Variants in LRP1B observed in about 807,000 individuals in gnomAD.
LRP1B encodes the protein LDL receptor related protein 1B, also known as low-density lipoprotein receptor-related protein 1B.
In LRP1B, 217 loss-of-function variants were observed where a neutral mutation model predicts 556.6. The ratio of observed to expected loss-of-function variants is 0.39; its 90% CI spans 0.35 to 0.44. The LOEUF (loss-of-function observed/expected upper bound fraction) is 0.44, where lower values mean the gene tolerates loss of function less well. LRP1B is among the 20% of genes least tolerant of loss of function. The pLI is 1.00. For synonymous variants in LRP1B, 2,047 were observed against 1,865.8 expected, an observed-to-expected ratio of 1.10 and a Z score of -2.50; for missense variants, 5,053 against 5,620.8, an observed-to-expected ratio of 0.90 and a Z score of 3.23.
At chr2:140,386,227 A>C (rs550733641) in intron 66 of LRP1B, among the ~76,000 whole-genome samples, 5 of 152,306 alleles carry the variant, frequency 3.3e-5, no homozygotes, top group African/African-American at 9.6e-5. Context: ...CGAGCTAATC[A>C]GTAAGAAACC....
intron 1 of LRP1B, among the ~76,000 whole-genome samples, chr2:142,091,833 C>T (rs1292310294): frequency 6.6e-6 from 1 of 152,062 alleles, no homozygotes; most frequent in Non-Finnish European, 1.5e-5. Flanking sequence ...AGCATGTGAC[C>T]CAATTTTGAT....
chr2:141,695,502 C>A (rs1463514638), intron 2 of LRP1B, among the ~76,000 whole-genome samples: 3 of 151,762 alleles, frequency 2.0e-5, no homozygotes, highest in South Asian at 2.1e-4. Flanking sequence ...TATTGTTATC[C>A]CCACTTTGAA....
chr2:141,487,483 A>G (rs988282574), intron 2 of LRP1B, among the ~76,000 whole-genome samples: 80 of 152,162 alleles, frequency 5.3e-4, no homozygotes, highest in African/African-American at 1.9e-3. Context: ...TACAAATGCT[A>G]CTTTCATCTC....
intron 32 of LRP1B, among the ~76,000 whole-genome samples, chr2:140,803,736 T>C (rs1690607162): frequency 6.6e-6 from 1 of 152,088 alleles, no homozygotes; most frequent in African/African-American, 2.4e-5. Context: ...TTTCTGTAGA[T>C]CATAGTTTAC....
rs1684457872 is a variant in LRP1B at position 140,314,979 on chromosome 2, CTACAGTGGTTGA to C, written c.12749_12760del (p.Val4250_Ser4254delinsGly). On this transcript the variant is annotated inframe_deletion, in exon 83 of 91. Coordinates refer to ENST00000389484, the MANE Select transcript of LRP1B (RefSeq NM_018557.3). ...AGTTCCTCCATTCTGGCAGTAGTTG[CTACAGTGGTTGA>C]CTTCACATCTTTCTCCTGAATAACT... 6.2e-7 allele frequency: 1 copy of C among 1,610,992 alleles called. No homozygotes were observed. Among genetic ancestry groups the C allele is most frequent in the Non-Finnish European group, 8.5e-7 (1 of 1,178,318 alleles).
intron 6 of LRP1B, among the ~76,000 whole-genome samples, chr2:141,219,349 C>T (rs1480746116): frequency 2.0e-5 from 3 of 152,200 alleles, no homozygotes; most frequent in East Asian, 1.9e-4. Flanking sequence ...CAAGATTGCT[C>T]CTTTAGCTGG....
rs116177403 is a variant in LRP1B at position 140,286,522 on chromosome 2, C to T, written c.12967+11286G>A. On this transcript the variant is annotated intron_variant, in intron 84 of 90. Coordinates refer to ENST00000389484, the MANE Select transcript of LRP1B (RefSeq NM_018557.3). ...CCATATGAATAAAAATGTGACTTGC[C>T]AAATTCCCAGAAATATGGCATGCCA... is the stretch of plus-strand genomic sequence containing the variant. 4.4e-3 allele frequency among the ~76,000 whole-genome samples: 675 copies of T among 151,902 alleles called. 4 individuals carry two copies. The highest frequency in any genetic ancestry group is 0.015 in the African/African-American group (641 of 41,490).
chr2:140,827,982 G>GAA (rs57219641), intron 31 of LRP1B, among the ~76,000 whole-genome samples: 3,548 of 151,780 alleles, frequency 0.023, 74 homozygotes, highest in South Asian at 0.035. Context: ...ATTACTGAAA[G>GAA]AAAAAAGCTG....
At chr2:141,072,496 C>T (rs745489942) in intron 7 of LRP1B, among the ~76,000 whole-genome samples, 2 of 151,978 alleles carry the variant, frequency 1.3e-5, no homozygotes, top group African/African-American at 2.4e-5. Context: ...CACAGATTCC[C>T]ATGATGATAA....
At chr2:141,191,491 T>C (rs1233202317) in intron 6 of LRP1B, among the ~76,000 whole-genome samples, 3 of 151,916 alleles carry the variant, frequency 2.0e-5, no homozygotes, top group Admixed American at 1.3e-4. Flanking sequence ...TAAGGGTATA[T>C]TGTCAAAACA....
intron 7 of LRP1B, among the ~76,000 whole-genome samples, chr2:141,131,889 G>A (rs1701368022): frequency 6.6e-6 from 1 of 151,752 alleles, no homozygotes; most frequent in Non-Finnish European, 1.5e-5. Context: ...TTGGTTACAT[G>A]AGTAAGTTCT....
At chr2:141,242,382 TTCTC>T (rs967746784) in intron 5 of LRP1B, among the ~76,000 whole-genome samples, 1 of 151,992 alleles carries the variant, frequency 6.6e-6, no homozygotes, top group African/African-American at 2.4e-5. Context: ...GTTTATTTTT[TTCTC>T]TCTCTCTCTT....
chr2:141,205,533 TC>T (rs1319033646), intron 6 of LRP1B, among the ~76,000 whole-genome samples: 9 of 152,332 alleles, frequency 5.9e-5, no homozygotes, highest in African/African-American at 2.2e-4. Context: ...AAAATTTTTT[TC>T]ACAAATTATG....
At chr2:140,940,962 C>T (rs538941635) in intron 20 of LRP1B, among the ~76,000 whole-genome samples, 9 of 152,140 alleles carry the variant, frequency 5.9e-5, no homozygotes, top group Non-Finnish European at 1.2e-4. Flanking sequence ...ATCACCATTC[C>T]GACTGGCGTG....
In LRP1B at chr2:140,873,299, T is replaced by G. The variant is rs1693199932; in HGVS notation, c.4170-5036A>C. On this transcript the variant is annotated intron_variant, in intron 25 of 90. Coordinates refer to ENST00000389484, the MANE Select transcript of LRP1B (RefSeq NM_018557.3). ...TGCATGATCTTTAATAAATAAGACA[T>G]TAATATTATTTTAATAAAAACAGCT... Among the ~76,000 whole-genome samples, 3 of 152,066 alleles carry G rather than the reference T, an allele frequency of 2.0e-5. No individual in the cohort carries two copies. The South Asian group carries it at 6.2e-4, about 31-fold the overall frequency.
intron 7 of LRP1B, among the ~76,000 whole-genome samples, chr2:141,091,248 A>C (rs1423631525): frequency 6.6e-6 from 1 of 152,186 alleles, no homozygotes; most frequent in African/African-American, 2.4e-5. Context: ...TCTGAATGAA[A>C]ACAGAGAGCT....
intron 2 of LRP1B, among the ~76,000 whole-genome samples, chr2:141,498,119 A>G (rs771849516): frequency 2.0e-5 from 3 of 152,076 alleles, no homozygotes; most frequent in Non-Finnish European, 4.4e-5. Context: ...TGATGCTAAG[A>G]TACTATAAAG....
At chr2:141,655,075 C>A (rs199526218) in intron 2 of LRP1B, among the ~76,000 whole-genome samples, 1 of 152,112 alleles carries the variant, frequency 6.6e-6, no homozygotes, top group African/African-American at 2.4e-5. Context: ...TCTATTCTTG[C>A]TTTACCATCT....
intron 75 of LRP1B, among the ~76,000 whole-genome samples, chr2:140,354,280 T>G (rs553792296): frequency 6.6e-6 from 1 of 152,060 alleles, no homozygotes; most frequent in Non-Finnish European, 1.5e-5. Flanking sequence ...ACAAACAATG[T>G]TCTAAGGGCT....
Sources: allele counts gnomAD v4.1 joint callset (sites outside exome capture counted in the v4.1 genomes callset), GRCh38; gene constraint gnomAD v4.1.1; transcripts MANE v1.5; gene names NCBI Gene and HGNC (gene_info 2026-07-23, HGNC 2026-07-21).